Variants in MARK1 observed in about 807,000 individuals in gnomAD.
The protein encoded by MARK1 is microtubule affinity regulating kinase 1, also known as serine/threonine-protein kinase MARK1.
Under a neutral mutation model 96.3 loss-of-function variants are expected in MARK1, and 40 were observed. The ratio of observed to expected loss-of-function variants is 0.42; its 90% CI spans 0.32 to 0.54. The LOEUF is 0.54. Ranked by LOEUF, MARK1 falls within the 20% of genes least tolerant of loss-of-function variation. The probability of loss-of-function intolerance (pLI) is 0.16; values close to 1 mark genes in which losing one functional copy is unlikely to be tolerated. For missense variants in MARK1, 719 were observed against 984.6 expected, an observed-to-expected ratio of 0.73 and a Z score of 3.61; for synonymous variants, 317 against 341.2, an observed-to-expected ratio of 0.93 and a Z score of 0.78.
In MARK1 at chr1:220,528,523, C is replaced by T; in HGVS notation, c.-300C>T. On this transcript the variant is annotated 5_prime_UTR_variant, in exon 1 of 18. Coordinates refer to ENST00000366917, the MANE Select transcript of MARK1 (RefSeq NM_018650.5). ...ACCGCCTCCCGGCTCCCCTTCCACG[C>T]CTCATCCTGCCAGCCTCGCCGCCCC... 2.3e-6 allele frequency: 1 copy of T among 432,364 alleles called. No individual in the cohort carries two copies. The allele number at this position is 432,364 out of a possible 1,614,324, so 26.8% of individuals were successfully genotyped here.
At chr1:220,643,570 C>T (rs750208084) in intron 13 of MARK1, among the ~76,000 whole-genome samples, 98 of 152,088 alleles carry the variant, frequency 6.4e-4, no homozygotes, top group Non-Finnish European at 7.8e-4. Context: ...TCAGAAAATA[C>T]GGAGGACCCC....
intron 9 of MARK1, among the ~76,000 whole-genome samples, chr1:220,619,093 C>G (rs147422873): frequency 6.6e-6 from 1 of 152,214 alleles, no homozygotes; most frequent in African/African-American, 2.4e-5. Flanking sequence ...AGTAAGTACT[C>G]AATAAATATT....
intron 13 of MARK1, among the ~76,000 whole-genome samples, chr1:220,645,224 TAAG>T (rs766140326): frequency 1.9e-4 from 29 of 152,038 alleles, no homozygotes; most frequent in Non-Finnish European, 3.8e-4. Context: ...AATCAAATGA[TAAG>T]GAGGATGCCA....
rs1175765028 is a variant in MARK1, at chr1:220,653,238, T to C, written c.1874T>C (p.Val625Ala). ...HGEQLRERRS[V>A]AYNGPPASPS... ...GAACAGCTCCGGGAGCGACGCAGCGTTGCTTATAATGGGCCACCTGCTTCA... is the reference window on the plus strand; with the variant it reads ...GAACAGCTCCGGGAGCGACGCAGCGCTGCTTATAATGGGCCACCTGCTTCA... Residue 625 changes from valine to alanine, a missense_variant, in exon 16 of 18, where the codon GTT (valine) becomes GCT (alanine). By Grantham distance (64) the Val-to-Ala change is moderately conservative. Transcript: ENST00000366917. The C allele has an allele frequency of 1.9e-6, 3 of 1,614,072 alleles. No homozygotes were observed. Among genetic ancestry groups the C allele is most frequent in the Non-Finnish European group, 2.5e-6 (3 of 1,180,054 alleles).
At chr1:220,646,165 A>G (rs761456757) in intron 13 of MARK1, among the ~76,000 whole-genome samples, 1 of 152,092 alleles carries the variant, frequency 6.6e-6, no homozygotes, top group African/African-American at 2.4e-5. Flanking sequence ...AAATCCTATC[A>G]TCTCAACCCA....
rs946295816 is a variant in MARK1 at position 220,662,584 on chromosome 1, T to A, written c.*418T>A. The A allele has an allele frequency of 1.2e-5, 2 of 161,930 alleles. No individual in the cohort carries two copies. The highest frequency in any genetic ancestry group is 4.8e-5 in the African/African-American group (2 of 41,626). 10.0% of individuals were successfully genotyped at this position (161,930 alleles called of 1,614,324 possible). On this transcript the variant is annotated 3_prime_UTR_variant, in exon 18 of 18. Coordinates refer to ENST00000366917, the MANE Select transcript of MARK1 (RefSeq NM_018650.5). The stretch of plus-strand genomic sequence containing the variant: ...ACCTCCATCATGCAATTTTGAAAAT[T>A]GTGTCCAGAATTAAAAGTGCATAGA...
chr1:220,626,912 G>A, intron 9 of MARK1: 1 of 494,934 alleles, frequency 2.0e-6, no homozygotes, highest in Non-Finnish European at 4.0e-6. Flanking sequence ...GGAGGAAGTG[G>A]TTCCAATTTG....
intron 6 of MARK1, among the ~76,000 whole-genome samples, chr1:220,605,003 A>G (rs967083217): frequency 2.0e-5 from 3 of 152,138 alleles, no homozygotes; most frequent in Admixed American, 6.6e-5. Context: ...TAATTCTACA[A>G]TTAAAGAGGT....
intron 13 of MARK1, among the ~76,000 whole-genome samples, chr1:220,649,509 A>G (rs181699316): frequency 5.3e-5 from 8 of 152,306 alleles, no homozygotes; most frequent in Non-Finnish European, 7.4e-5. Flanking sequence ...GATTAGAGGC[A>G]TGAGCCATCA....
chr1:220,610,086 A>T (rs1417711894), intron 6 of MARK1, among the ~76,000 whole-genome samples: 1 of 152,112 alleles, frequency 6.6e-6, no homozygotes, highest in African/African-American at 2.4e-5. Flanking sequence ...CTGAATTTGA[A>T]TGTTGGCCTG....
chr1:220,565,644 C>T (rs1036182821), intron 1 of MARK1, among the ~76,000 whole-genome samples: 5 of 152,112 alleles, frequency 3.3e-5, no homozygotes, highest in African/African-American at 1.2e-4. Flanking sequence ...AGCCCAAAAG[C>T]TCAGGCTAAA....
At chr1:220,539,129 G>A (rs1174044771) in intron 1 of MARK1, among the ~76,000 whole-genome samples, 1 of 150,462 alleles carries the variant, frequency 6.6e-6, no homozygotes, top group African/African-American at 2.4e-5. Flanking sequence ...GTGAGAGAGG[G>A]CATCCCTGTC....
intron 6 of MARK1, among the ~76,000 whole-genome samples, chr1:220,607,332 T>C (rs931910561): frequency 6.6e-6 from 1 of 152,162 alleles, no homozygotes. Flanking sequence ...TTGTCTGTTA[T>C]TGGTGTATAG....
At chr1:220,645,696 C>T (rs557683629) in intron 13 of MARK1, among the ~76,000 whole-genome samples, 6 of 152,258 alleles carry the variant, frequency 3.9e-5, no homozygotes, top group South Asian at 4.2e-4. Flanking sequence ...CATCAAAAAG[C>T]TTATCCACTG....
intron 13 of MARK1, among the ~76,000 whole-genome samples, chr1:220,643,621 A>T (rs1269451809): frequency 6.6e-6 from 1 of 152,168 alleles, no homozygotes; most frequent in Non-Finnish European, 1.5e-5. Flanking sequence ...ACACATAATC[A>T]TCAGATTCTC....
intron 6 of MARK1, among the ~76,000 whole-genome samples, chr1:220,609,535 GGGCATTTAGCCCATTT>G (rs567918313): frequency 2.7e-4 from 41 of 152,092 alleles, no homozygotes; most frequent in South Asian, 6.2e-4. Context: ...CTTTTAATTG[GGGCATTTAGCCCATTT>G]ACATTTCAGG....
At chr1:220,607,787 A>G (rs1027088312) in intron 6 of MARK1, among the ~76,000 whole-genome samples, 3 of 152,126 alleles carry the variant, frequency 2.0e-5, no homozygotes, top group Non-Finnish European at 2.9e-5. Flanking sequence ...AATTTTGTCA[A>G]AGGCCTTTTC....
At chr1:220,538,945 T>C (rs1183005215) in intron 1 of MARK1, among the ~76,000 whole-genome samples, 2 of 151,180 alleles carry the variant, frequency 1.3e-5, no homozygotes, top group Admixed American at 6.6e-5. Context: ...CTGAAGTTGC[T>C]TATCAGCTTA....
chr1:220,613,029 A>G (rs944708737), intron 6 of MARK1, among the ~76,000 whole-genome samples: 1 of 152,216 alleles, frequency 6.6e-6, no homozygotes, highest in Non-Finnish European at 1.5e-5. Flanking sequence ...AATGGAAAAC[A>G]CTGATGTGTG....
Sources: gnomAD v4.1 joint callset for allele counts (sites outside exome capture counted in the v4.1 genomes callset) on GRCh38, gnomAD v4.1.1 for gene constraint, MANE v1.5 for transcripts, NCBI Gene and HGNC (gene_info 2026-07-23, HGNC 2026-07-21) for gene names.